Variants in SMG6 observed in about 807,000 individuals in gnomAD.
SMG6 encodes the protein SMG6 nonsense mediated mRNA decay factor.
In SMG6, 66 loss-of-function variants were observed where a neutral mutation model predicts 142.2. The observed-to-expected ratio is 0.46, with a 90% CI of 0.38 to 0.57. SMG6 has a LOEUF of 0.57. SMG6 is among the 20% of genes least tolerant of loss of function. The pLI, the probability that SMG6 is intolerant of heterozygous loss-of-function variation, is 0.00. For synonymous variants in SMG6, 779 were observed against 702.4 expected, an observed-to-expected ratio of 1.11 and a Z score of -1.72; for missense variants, 1,793 against 1,832.0, an observed-to-expected ratio of 0.98 and a Z score of 0.39.
intron 10 of SMG6, among the ~76,000 whole-genome samples, chr17:2,226,670 G>A (rs2073329822): frequency 1.3e-5 from 2 of 152,004 alleles, no homozygotes; most frequent in South Asian, 4.1e-4. Context: ...CAAGGCGGGT[G>A]GATCACCTGA....
At position 2,303,750 on chromosome 17, in the gene SMG6, C is replaced by T. The variant is rs1411615102; in HGVS notation, c.-30G>A. The T allele has an allele frequency of 3.4e-6, 5 of 1,478,940 alleles. No individual in the cohort carries two copies. The highest frequency in any genetic ancestry group is 2.3e-5 in the Admixed American group (1 of 42,802). 91.6% of individuals were successfully genotyped at this position (1,478,940 alleles called of 1,614,324 possible). On this transcript the variant is annotated 5_prime_UTR_variant, in exon 1 of 19. Coordinates refer to ENST00000263073, the MANE Select transcript of SMG6 (RefSeq NM_017575.5). The stretch of plus-strand genomic sequence containing the variant: ...GCGGCTGCTGCTACAGCCGTAGCGG[C>T]TCCGCCACCGCCGCGCGCAGCCAGG...
intron 12 of SMG6, among the ~76,000 whole-genome samples, chr17:2,174,861 T>C (rs536755564): frequency 3.0e-4 from 46 of 152,186 alleles, no homozygotes; most frequent in Non-Finnish European, 5.3e-4. Flanking sequence ...AACGCGGCAT[T>C]CAGGCTACCA....
At chr17:2,242,356 C>CAAAAAAGAAA (rs2073823981) in intron 9 of SMG6, among the ~76,000 whole-genome samples, 1 of 73,512 alleles carries the variant, frequency 1.4e-5, no homozygotes, top group African/African-American at 6.8e-5. Context: ...ACTGAAGATA[C>CAAAAAAGAAA]AAAAAAAAAA....
chr17:2,272,077 CCT>C (rs2074552729), intron 8 of SMG6, among the ~76,000 whole-genome samples: 1 of 152,176 alleles, frequency 6.6e-6, no homozygotes, highest in African/African-American at 2.4e-5. Flanking sequence ...AGATCAGCCC[CCT>C]GACTACCTCC....
rs571043343 is a variant in SMG6 at position 2,300,462 on chromosome 17, G to A, written c.291C>T (p.Val97=). Reference sequence around the variant, plus strand: ...GCTCTTGGTTGTTCAGTTCCTTGCAGACATCTTTAACGGGCTGTGTACCAT... The same window carrying A: ...GCTCTTGGTTGTTCAGTTCCTTGCAAACATCTTTAACGGGCTGTGTACCAT... ...VENGTQPVKD[V]CKELNNQEQN... The change falls in exon 2 of 19, where the codon GTC becomes GTT. Residue 97 remains valine, a synonymous_variant. Transcript: ENST00000263073. 3.1e-5 allele frequency: 50 copies of A among 1,614,142 alleles called. No individual in the cohort carries two copies. The South Asian group carries it at 4.6e-4, about 15-fold the overall frequency.
intron 13 of SMG6, among the ~76,000 whole-genome samples, chr17:2,130,096 A>C (rs2070059183): frequency 6.6e-6 from 1 of 150,772 alleles, no homozygotes; most frequent in African/African-American, 2.4e-5. Context: ...CGTCTCTACT[A>C]AAAAATACAA....
chr17:2,223,347 T>G (rs999175384), intron 10 of SMG6, among the ~76,000 whole-genome samples: 2 of 152,220 alleles, frequency 1.3e-5, no homozygotes, highest in African/African-American at 2.4e-5. Flanking sequence ...GCATATTTTC[T>G]GAACATAAGC....
intron 16 of SMG6, among the ~76,000 whole-genome samples, chr17:2,066,696 A>ACACAC (rs1555529730): frequency 4.6e-5 from 2 of 43,892 alleles, no homozygotes; most frequent in South Asian, 7.6e-4. Context: ...CACACACACA[A>ACACAC]TGCCCATGCT....
intron 8 of SMG6, among the ~76,000 whole-genome samples, chr17:2,253,344 C>T (rs911062633): frequency 2.0e-5 from 3 of 152,076 alleles, no homozygotes; most frequent in South Asian, 2.1e-4. Context: ...GGGGTTTCAC[C>T]GTGTTGACCA....
chr17:2,224,936 A>T (rs1418119122), intron 10 of SMG6, among the ~76,000 whole-genome samples: 1 of 152,244 alleles, frequency 6.6e-6, no homozygotes, highest in Admixed American at 6.5e-5. Context: ...AATCAACAAC[A>T]GTGAAAGCCC....
intron 9 of SMG6, among the ~76,000 whole-genome samples, chr17:2,239,549 T>C (rs1467546855): frequency 6.6e-6 from 1 of 152,012 alleles, no homozygotes; most frequent in African/African-American, 2.4e-5. Flanking sequence ...TAAATGAAAA[T>C]AGTTGTAAAG....
At chr17:2,231,902 G>C (rs2073507408) in intron 10 of SMG6, among the ~76,000 whole-genome samples, 1 of 152,148 alleles carries the variant, frequency 6.6e-6, no homozygotes, top group South Asian at 2.1e-4. Flanking sequence ...AACTGGTAGA[G>C]GAAAACAGAG....
At position 2,283,667 on chromosome 17, in the gene SMG6, G is replaced by A. The variant is rs749116002; in HGVS notation, c.2406C>T (p.Ala802=). ...SLAASNPILT[A]KESLMSLFEE... is the part of the protein sequence containing the mutation. ...CAAACAAGCTCATGAGACTCTCCTT[G>A]GCAGTCAGGATAGGGTTGCTGGCAG... The change falls in exon 7 of 19, where the codon GCC becomes GCT. Residue 802 remains alanine, a synonymous_variant. Transcript: ENST00000263073. 1 of 1,614,072 alleles carries A rather than the reference G, an allele frequency of 6.2e-7. No homozygotes were observed. The highest frequency in any genetic ancestry group is 8.5e-7 in the Non-Finnish European group (1 of 1,180,016).
At chr17:2,286,654 A>G (rs1003306477) in intron 6 of SMG6, among the ~76,000 whole-genome samples, 2 of 152,184 alleles carry the variant, frequency 1.3e-5, no homozygotes, top group African/African-American at 4.8e-5. Context: ...AAACTCTAAG[A>G]AGAAAACGTA....
chr17:2,128,347 G>C (rs2069974260), intron 13 of SMG6, among the ~76,000 whole-genome samples: 1 of 152,164 alleles, frequency 6.6e-6, no homozygotes, highest in African/African-American at 2.4e-5. Flanking sequence ...TAGACCAGCC[G>C]CATTTCATGT....
chr17:2,076,929 A>G (rs1438411076), intron 15 of SMG6, among the ~76,000 whole-genome samples: 1 of 152,188 alleles, frequency 6.6e-6, no homozygotes, highest in South Asian at 2.1e-4. Flanking sequence ...CAGCCTGGAC[A>G]GGGCCCACCA....
chr17:2,101,016 T>C (rs548426204), intron 13 of SMG6: 2 of 152,358 alleles, frequency 1.3e-5, no homozygotes, highest in East Asian at 3.9e-4. Context: ...CTTTAAAGGA[T>C]GGAAGGTTAG....
At chr17:2,111,592 C>T (rs747416052) in intron 13 of SMG6, among the ~76,000 whole-genome samples, 10 of 152,106 alleles carry the variant, frequency 6.6e-5, no homozygotes, top group South Asian at 6.2e-4. Context: ...TTTATAGAAA[C>T]GGGGTCTCCC....
chr17:2,090,877 G>A (rs1487023830), intron 13 of SMG6, among the ~76,000 whole-genome samples: 2 of 152,184 alleles, frequency 1.3e-5, no homozygotes, highest in Non-Finnish European at 2.9e-5. Flanking sequence ...GAGCAAATAA[G>A]ATGCAGACAG....
Sources: gnomAD v4.1 joint callset for allele counts (sites outside exome capture counted in the v4.1 genomes callset) on GRCh38, gnomAD v4.1.1 for gene constraint, MANE v1.5 for transcripts, NCBI Gene and HGNC (gene_info 2026-07-23, HGNC 2026-07-21) for gene names.